The following DMD variants were observed in gnomAD, a reference collection of about 807,000 sequenced individuals.
The protein encoded by DMD is dystrophin.
Under a neutral mutation model 330.1 loss-of-function variants are expected in DMD, and 63 were observed. That is an observed-to-expected ratio of 0.19 (90% CI 0.16 to 0.24). DMD has a LOEUF of 0.24. Ranked by LOEUF, DMD falls within the 10% of genes least tolerant of loss-of-function variation. The pLI, the probability that DMD is intolerant of heterozygous loss-of-function variation, is 1.00. For missense variants in DMD, 3,344 were observed against 2,684.1 expected (o/e 1.25, Z -5.43); for synonymous variants, 1,223 against 959.8 (o/e 1.27, Z -5.07).
intron 1 of DMD, among the ~76,000 whole-genome samples, chrX:33,226,199 C>G (rs1233199887): frequency 1.8e-5 from 2 of 111,141 alleles, no homozygotes; most frequent in African/African-American, 6.5e-5. Context: ...TAACCTACAG[C>G]CCAGAAATTT....
At chrX:31,566,514 T>C (rs985560233) in intron 55 of DMD, among the ~76,000 whole-genome samples, 8 of 112,112 alleles carry the variant, frequency 7.1e-5, no homozygotes, top group East Asian at 2.8e-4. Context: ...TTGTTAGCCA[T>C]AATATTGGGT....
At chrX:32,426,106 A>G (rs750433118) in intron 29 of DMD, among the ~76,000 whole-genome samples, 5 of 112,039 alleles carry the variant, frequency 4.5e-5, no homozygotes, top group Non-Finnish European at 9.4e-5. Context: ...CAATTGCAAC[A>G]AAAGCAAACA....
At chrX:32,042,102 T>C (rs12847801) in intron 44 of DMD, among the ~76,000 whole-genome samples, 2 of 93,191 alleles carry the variant, frequency 2.1e-5, no homozygotes, top group Admixed American at 1.2e-4. Context: ...TGTATACATA[T>C]ATACATACAT....
chrX:32,027,317 T>G (rs1248202319), intron 44 of DMD, among the ~76,000 whole-genome samples: 3 of 110,767 alleles, frequency 2.7e-5, no homozygotes, highest in Non-Finnish European at 3.8e-5. Context: ...CCCCTTCTGT[T>G]AACTCATTTT....
chrX:31,293,246 T>TGC (rs1491287970), intron 62 of DMD, among the ~76,000 whole-genome samples: 12 of 91,150 alleles, frequency 1.3e-4, no homozygotes, highest in African/African-American at 5.2e-4. Context: ...TGTGTGTGTG[T>TGC]AATCTGGTTT....
chrX:31,892,283 A>G (rs2094265618), intron 47 of DMD, among the ~76,000 whole-genome samples: 1 of 112,070 alleles, frequency 8.9e-6, no homozygotes, highest in Admixed American at 9.5e-5. Flanking sequence ...AAGCCAGAAA[A>G]AAATTAATTT....
At chrX:32,035,966 T>C (rs1344649120) in intron 44 of DMD, among the ~76,000 whole-genome samples, 1 of 111,231 alleles carries the variant, frequency 9.0e-6, no homozygotes, top group Non-Finnish European at 1.9e-5. Flanking sequence ...GGAAGAAACA[T>C]TTAAGAATCT....
At chrX:32,781,925 T>C (rs891932927) in intron 7 of DMD, among the ~76,000 whole-genome samples, 1 of 111,516 alleles carries the variant, frequency 9.0e-6, no homozygotes, top group Non-Finnish European at 1.9e-5. Flanking sequence ...TATGGTATTC[T>C]CCTCAAACTA....
chrX:33,092,482 A>C (rs1396515723), intron 1 of DMD, among the ~76,000 whole-genome samples: 1 of 111,762 alleles, frequency 8.9e-6, no homozygotes, highest in African/African-American at 3.2e-5. Context: ...ATTATACAAA[A>C]AAATTCCCTT....
chrX:31,451,859 G>A (rs753587177), intron 59 of DMD, among the ~76,000 whole-genome samples: 4 of 109,963 alleles, frequency 3.6e-5, no homozygotes, highest in Admixed American at 9.7e-5. Context: ...GGATGTGATT[G>A]CATTTTTTTC....
chrX:32,686,559 C>CAAAAAAAA (rs750534167), intron 9 of DMD, among the ~76,000 whole-genome samples: 22 of 28,549 alleles, frequency 7.7e-4, no homozygotes, highest in African/African-American at 1.9e-3. Context: ...AACTCCATCT[C>CAAAAAAAA]AAAAAAAAAA....
upstream of DMD, among the ~76,000 whole-genome samples, chrX:33,213,914 T>C (rs189802045): frequency 7.2e-5 from 8 of 111,670 alleles, no homozygotes; most frequent in African/African-American, 2.6e-4. Flanking sequence ...GCTACCCCTT[T>C]ACAGTCACAA....
intron 7 of DMD, among the ~76,000 whole-genome samples, chrX:32,795,158 C>T (rs375634037): frequency 4.5e-5 from 5 of 111,511 alleles, no homozygotes; most frequent in Admixed American, 9.5e-5. Flanking sequence ...AAAATTTGTA[C>T]GATCAAAGAC....
chrX:32,385,078 A>C (rs374205754), intron 33 of DMD, among the ~76,000 whole-genome samples: 3 of 111,171 alleles, frequency 2.7e-5, no homozygotes, highest in Non-Finnish European at 3.8e-5. Flanking sequence ...TTTGAACAAC[A>C]AAAGACCCAG....
At chrX:32,348,694 G>A (rs931387825) in intron 37 of DMD, among the ~76,000 whole-genome samples, 166 bp from the exon 38 acceptor site, 5 of 111,608 alleles carry the variant, frequency 4.5e-5, no homozygotes, top group African/African-American at 1.6e-4. Flanking sequence ...AAAAGTACCT[G>A]AGGATGCAAA....
At chrX:32,690,875 A>C (rs1475442699) in intron 9 of DMD, among the ~76,000 whole-genome samples, 1 of 111,707 alleles carries the variant, frequency 9.0e-6, no homozygotes, top group Admixed American at 9.6e-5. Context: ...TAAAACCTCA[A>C]TCCATAAAAC....
At chrX:33,146,983 T>C (rs1169506469) in intron 1 of DMD, among the ~76,000 whole-genome samples, 7 of 110,140 alleles carry the variant, frequency 6.4e-5, no homozygotes, top group East Asian at 2.9e-4. Flanking sequence ...CTACTACACC[T>C]GGCTAATTTT....
At chrX:31,956,266 C>A (rs2095245273) in intron 45 of DMD, among the ~76,000 whole-genome samples, 1 of 111,892 alleles carries the variant, frequency 8.9e-6, no homozygotes, top group African/African-American at 3.2e-5. Context: ...TACCTACTGG[C>A]AGATTCCTTC....
At chrX:31,724,182 C>T (rs1014904664) in intron 52 of DMD, among the ~76,000 whole-genome samples, 1 of 112,173 alleles carries the variant, frequency 8.9e-6, no homozygotes, top group Admixed American at 9.4e-5. Context: ...ATGGTTGACT[C>T]CACTTCTTCT....
Sources: allele counts gnomAD v4.1 joint callset (sites outside exome capture counted in the v4.1 genomes callset), GRCh38; gene constraint gnomAD v4.1.1; transcripts MANE v1.5; gene names NCBI Gene and HGNC (gene_info 2026-07-23, HGNC 2026-07-21).